EXTL3: variants seen among roughly 807,000 people sequenced by gnomAD.
The protein encoded by EXTL3 is exostosin-like 3.
Under a neutral mutation model 69.3 loss-of-function variants are expected in EXTL3, and 27 were observed. The observed-to-expected ratio is 0.39, with a 90% CI of 0.29 to 0.54. EXTL3 has a LOEUF of 0.54. Ranked by LOEUF, EXTL3 falls within the 20% of genes least tolerant of loss-of-function variation. The probability of loss-of-function intolerance (pLI) is 0.69; values close to 1 mark genes in which losing one functional copy is unlikely to be tolerated. For missense variants in EXTL3, 1,003 were observed against 1,231.8 expected (o/e 0.81, Z 2.78); for synonymous variants, 511 against 499.4 (o/e 1.02, Z -0.31).
At chr8:28,689,329 T>C (rs1800574147) in intron 1 of EXTL3, among the ~76,000 whole-genome samples, 2 of 152,180 alleles carry the variant, frequency 1.3e-5, no homozygotes, top group African/African-American at 4.8e-5. Flanking sequence ...CCCCTATCAC[T>C]GGGAACTCTC....
intron 1 of EXTL3, among the ~76,000 whole-genome samples, chr8:28,666,553 A>G (rs900892074): frequency 6.6e-6 from 1 of 151,456 alleles, no homozygotes; most frequent in Non-Finnish European, 1.5e-5. Flanking sequence ...AGGCGTGCTT[A>G]CGCCCAGCCA....
At chr8:28,671,776 G>A (rs917491637) in intron 1 of EXTL3, among the ~76,000 whole-genome samples, 3 of 152,190 alleles carry the variant, frequency 2.0e-5, no homozygotes, top group African/African-American at 7.2e-5. Context: ...GCACCACTTT[G>A]TGAGGAAAAG....
At chr8:28,711,064 A>G (rs1218259925) in intron 1 of EXTL3, among the ~76,000 whole-genome samples, 1 of 152,146 alleles carries the variant, frequency 6.6e-6, no homozygotes, top group Non-Finnish European at 1.5e-5. Context: ...TAGTTATAAA[A>G]CTAATTCAGA....
chr8:28,663,001 G>C (rs73232994), intron 1 of EXTL3, among the ~76,000 whole-genome samples: 18,413 of 152,176 alleles, frequency 0.12, 1,293 homozygotes, highest in East Asian at 0.25. Flanking sequence ...TTGTATTACC[G>C]TACTATCAGT....
chr8:28,749,873 T>C (rs1015481805), intron 6 of EXTL3, among the ~76,000 whole-genome samples: 4 of 152,186 alleles, frequency 2.6e-5, no homozygotes, highest in Non-Finnish European at 5.9e-5. Context: ...TTTTTATCTC[T>C]TGTGGAGATG....
upstream of EXTL3, among the ~76,000 whole-genome samples, chr8:28,620,767 G>C (rs759064104): frequency 6.6e-6 from 1 of 152,038 alleles, no homozygotes; most frequent in East Asian, 1.9e-4. Context: ...TCAGCCTGTA[G>C]TACAGTGATG....
chr8:28,709,239 C>T (rs1295480472), intron 1 of EXTL3, among the ~76,000 whole-genome samples: 5 of 152,156 alleles, frequency 3.3e-5, no homozygotes, highest in Non-Finnish European at 7.3e-5. Flanking sequence ...ACCCACTTCA[C>T]GGGATTGCTG....
In EXTL3 at chr8:28,716,372, A is replaced by G. The variant is rs769813480; in HGVS notation, c.313A>G (p.Ser105Gly). Residue 105 changes from serine (S) to glycine (G), a missense_variant, in exon 3 of 7, where the codon AGC (serine) becomes GGC (glycine). Around this residue, in one of 2 missense-constraint regions of EXTL3, gnomAD observed 742 missense variants for 815.4 expected, o/e 0.91. Coordinates refer to ENST00000220562, the MANE Select transcript of EXTL3 (RefSeq NM_001440.4). The surrounding 1 kb of genome is among the most constrained non-coding windows in gnomAD (Gnocchi z 7.1). ...QLEAKRQELN[S>G]EIAKLNLKIE... ...GGAGGCCAAGCGCCAAGAGCTGAACAGCGAGATCGCCAAGCTGAATCTGAA... is the reference window on the plus strand; with the variant it reads ...GGAGGCCAAGCGCCAAGAGCTGAACGGCGAGATCGCCAAGCTGAATCTGAA... The G allele has an allele frequency of 1.2e-6, 2 of 1,614,036 alleles. No individual in the cohort carries two copies. The highest frequency in any genetic ancestry group is 1.3e-5 in the African/African-American group (1 of 75,064).
chr8:28,713,402 T>G, intron 1 of EXTL3, 55 bp from the exon 2 acceptor site: 1 of 657,884 alleles, frequency 1.5e-6, no homozygotes, highest in Admixed American at 2.6e-5. Context: ...TTGAGTATTT[T>G]TCTAATAGTA....
At chr8:28,728,353 C>T (rs1322639875) in intron 3 of EXTL3, among the ~76,000 whole-genome samples, 4 of 152,220 alleles carry the variant, frequency 2.6e-5, no homozygotes, top group Non-Finnish European at 4.4e-5. Context: ...GCTGCTCTCT[C>T]GTCTGACCTA....
At position 28,718,198 on chromosome 8, in the gene EXTL3, C is replaced by G. The variant is rs954615799; in HGVS notation, c.2139C>G (p.Val713=). Residue 713 remains valine (V), a synonymous_variant, in exon 3 of 7, where the codon GTC becomes GTG. Transcript: ENST00000220562. ...SEDLLWPDIG[V]PIMVVRTEKN... is the part of the protein sequence containing the mutation. Reference sequence around the variant, plus strand: ...ACCTTCTGTGGCCTGACATTGGCGTCCCCATCATGGTAATAGAGAAACGAA... The same window carrying G: ...ACCTTCTGTGGCCTGACATTGGCGTGCCCATCATGGTAATAGAGAAACGAA... 6.2e-7 allele frequency: 1 copy of G among 1,614,012 alleles called. No individual in the cohort carries two copies. Among genetic ancestry groups the G allele is most frequent in the Non-Finnish European group, 8.5e-7 (1 of 1,179,952 alleles).
At chr8:28,663,455 T>G (rs889878605) in intron 1 of EXTL3, among the ~76,000 whole-genome samples, 1 of 152,010 alleles carries the variant, frequency 6.6e-6, no homozygotes, top group Non-Finnish European at 1.5e-5. Context: ...AGACCATTAT[T>G]CTTTTATTTT....
Position 28,639,025 on chromosome 8 carries a change from A to G in EXTL3, c.-53+16215A>G, listed in dbSNP as rs546472790. Among the ~76,000 whole-genome samples the G allele has an allele frequency of 3.2e-4, 48 of 147,924 alleles. 1 individual carries two copies. The Middle Eastern group carries it at 0.014, about 43-fold the overall frequency. On this transcript the variant is annotated intron_variant, in intron 1 of 6. Transcript: ENST00000523149. Reference sequence around the variant, plus strand: ...TGTTCTTGGCTCACCACAACCTCCAACTCCCAGGTTCACGCAATTCTCCTG... The same window carrying G: ...TGTTCTTGGCTCACCACAACCTCCAGCTCCCAGGTTCACGCAATTCTCCTG...
At chr8:28,662,974 G>A (rs1807139580) in intron 1 of EXTL3, among the ~76,000 whole-genome samples, 2 of 152,172 alleles carry the variant, frequency 1.3e-5, no homozygotes, top group Non-Finnish European at 2.9e-5. Context: ...TTAAAAAGTA[G>A]ATAGAAATGG....
intron 6 of EXTL3, among the ~76,000 whole-genome samples, chr8:28,749,757 G>A (rs1488959447): frequency 1.3e-5 from 2 of 152,300 alleles, no homozygotes; most frequent in East Asian, 1.9e-4. Context: ...TACCATCATA[G>A]CTCATTGCAG....
At chr8:28,706,134 C>T (rs889153170) in intron 1 of EXTL3, among the ~76,000 whole-genome samples, 4 of 152,140 alleles carry the variant, frequency 2.6e-5, no homozygotes, top group Admixed American at 2.0e-4. Context: ...TAACCTTGCT[C>T]CTAGTCTTGG....
intron 1 of EXTL3, among the ~76,000 whole-genome samples, chr8:28,702,834 G>C (rs1800840463): frequency 6.6e-6 from 1 of 152,142 alleles, no homozygotes; most frequent in African/African-American, 2.4e-5. Flanking sequence ...TGTTTTTAAA[G>C]GCTTTGTGTG....
intron 1 of EXTL3, among the ~76,000 whole-genome samples, chr8:28,666,829 CCT>C (rs1262141468): frequency 6.6e-6 from 1 of 152,184 alleles, no homozygotes; most frequent in Non-Finnish European, 1.5e-5. Context: ...CCTGCCTCGG[CCT>C]CTCAGAGCGC....
intron 1 of EXTL3, chr8:28,637,363 A>G (rs1325577241): frequency 1.3e-5 from 2 of 152,288 alleles, no homozygotes; most frequent in African/African-American, 2.4e-5. Context: ...GCAAAGAGCC[A>G]GCCCGCTACT....
Sources: allele counts gnomAD v4.1 joint callset (sites outside exome capture counted in the v4.1 genomes callset), GRCh38; gene constraint gnomAD v4.1.1; regional missense constraint gnomAD v4.1.1; non-coding constraint Gnocchi (gnomAD v3.1); transcripts MANE v1.5; gene names NCBI Gene and HGNC (gene_info 2026-07-23, HGNC 2026-07-21).